The following ROBO1 variants were observed in gnomAD, a reference collection of about 807,000 sequenced individuals.
ROBO1 encodes the protein roundabout homolog 1.
A neutral mutation model predicts 195.9 loss-of-function variants in ROBO1; 149 were observed. That is an observed-to-expected ratio of 0.76 (90% CI 0.67 to 0.87). The LOEUF (loss-of-function observed/expected upper bound fraction) is 0.87, where lower values mean the gene tolerates loss of function less well. Ranked by LOEUF, ROBO1 falls within the 40% of genes least tolerant of loss-of-function variation. The pLI is 0.00. For synonymous variants in ROBO1, 816 were observed against 733.2 expected (o/e 1.11, Z -1.82); for missense variants, 1,933 against 2,068.3 (o/e 0.93, Z 1.27).
intron 2 of ROBO1, among the ~76,000 whole-genome samples, chr3:79,267,657 C>T (rs766551355): frequency 4.0e-5 from 6 of 150,384 alleles, no homozygotes; most frequent in African/African-American, 1.5e-4. Context: ...TTGAAGTTTT[C>T]TTTTTCCACT....
At chr3:79,322,578 T>C (rs1378630953) in intron 2 of ROBO1, among the ~76,000 whole-genome samples, 1 of 152,146 alleles carries the variant, frequency 6.6e-6, no homozygotes, top group African/African-American at 2.4e-5. Context: ...AGAGTGCAAA[T>C]GGGATCCACA....
chr3:79,625,942 T>G (rs1945164703), intron 1 of ROBO1, among the ~76,000 whole-genome samples: 1 of 152,120 alleles, frequency 6.6e-6, no homozygotes. Context: ...GATAAACATC[T>G]ATACAAAGAT....
intron 2 of ROBO1, among the ~76,000 whole-genome samples, chr3:79,542,088 C>G (rs1942091879): frequency 6.6e-6 from 1 of 151,928 alleles, no homozygotes; most frequent in Non-Finnish European, 1.5e-5. Flanking sequence ...TAAATTAGAT[C>G]ATCCACTGGT....
chr3:79,372,331 C>G (rs999445079), intron 2 of ROBO1, among the ~76,000 whole-genome samples: 1 of 151,892 alleles, frequency 6.6e-6, no homozygotes, highest in Admixed American at 6.6e-5. Context: ...CTCAGCCTCC[C>G]GAGTAGCTGG....
chr3:79,269,788 A>G (rs1404765109), intron 2 of ROBO1, among the ~76,000 whole-genome samples: 1 of 151,742 alleles, frequency 6.6e-6, no homozygotes, highest in Non-Finnish European at 1.5e-5. Context: ...CTGGCAAAAG[A>G]TTCAAGATTA....
chr3:79,590,028 A>C (rs1158875687), intron 1 of ROBO1, 67 bp from the exon 2 acceptor site: 3 of 653,942 alleles, frequency 4.6e-6, no homozygotes, highest in Non-Finnish European at 7.9e-6. Context: ...ATTTTGTGAA[A>C]CATTGCAGTT....
intron 8 of ROBO1, chr3:78,693,212 C>T: frequency 8.3e-7 from 1 of 1,202,050 alleles, no homozygotes; most frequent in Non-Finnish European, 1.2e-6. Context: ...TGCAGTCTGT[C>T]TTTGTGGCCA....
chr3:78,757,918 C>T (rs7613536), intron 4 of ROBO1, among the ~76,000 whole-genome samples: 1 of 152,174 alleles, frequency 6.6e-6, no homozygotes, highest in Non-Finnish European at 1.5e-5. Context: ...CCTATCAGAG[C>T]CTGTCTTTGG....
intron 2 of ROBO1, among the ~76,000 whole-genome samples, chr3:79,266,908 A>C (rs1220994586): frequency 6.6e-6 from 1 of 151,596 alleles, no homozygotes; most frequent in Non-Finnish European, 1.5e-5. Flanking sequence ...CTCCCATATA[A>C]TGTAGAATAA....
Position 79,703,262 on chromosome 3 carries a change from A to AT in ROBO1, c.-51+64489dup, listed in dbSNP as rs1208083750. On this transcript the variant is annotated intron_variant, in intron 1 of 30. Transcript: ENST00000464233. ...ATTATTTCTATCATAATTAGTATCC[A>AT]TTTTTTAGAACAGAATACATCCTTC... 8.6e-5 allele frequency among the ~76,000 whole-genome samples: 13 copies of AT among 151,756 alleles called. 1 individual carries two copies. In the Admixed American group the frequency reaches 8.6e-4, roughly 10 times the overall value.
chr3:79,260,932 A>G (rs1266036059), intron 2 of ROBO1, among the ~76,000 whole-genome samples: 1 of 152,120 alleles, frequency 6.6e-6, no homozygotes, highest in African/African-American at 2.4e-5. Context: ...TCTATATTTA[A>G]TTTAGTATGG....
chr3:79,552,001 A>AAC (rs1942535955), intron 2 of ROBO1, among the ~76,000 whole-genome samples: 1 of 143,304 alleles, frequency 7.0e-6, no homozygotes, highest in African/African-American at 2.6e-5. Context: ...AAAAAAAAAA[A>AAC]AAAAAAAAAA....
chr3:78,615,432 G>GT (rs1055284573), intron 27 of ROBO1, among the ~76,000 whole-genome samples: 10 of 151,728 alleles, frequency 6.6e-5, no homozygotes, highest in South Asian at 2.1e-4. Flanking sequence ...CAAGACTTCT[G>GT]TTTTTTTTGG....
At chr3:78,725,396 G>A (rs537262559) in intron 5 of ROBO1, among the ~76,000 whole-genome samples, 1 of 152,150 alleles carries the variant, frequency 6.6e-6, no homozygotes, top group East Asian at 1.9e-4. Context: ...TTTTAGAGAT[G>A]TCAAAATGTA....
At chr3:79,359,060 C>T (rs2035668194) in intron 2 of ROBO1, among the ~76,000 whole-genome samples, 1 of 152,076 alleles carries the variant, frequency 6.6e-6, no homozygotes, top group East Asian at 1.9e-4. Flanking sequence ...GTCCTCTGTG[C>T]TACTATAAGA....
intron 2 of ROBO1, among the ~76,000 whole-genome samples, chr3:79,174,275 C>T (rs79057547): frequency 6.6e-6 from 1 of 151,954 alleles, no homozygotes; most frequent in Non-Finnish European, 1.5e-5. Context: ...AGCGAGCCCA[C>T]GAGCCCACTG....
intron 2 of ROBO1, among the ~76,000 whole-genome samples, chr3:79,419,592 T>C (rs2106924832): frequency 6.6e-6 from 1 of 152,260 alleles, no homozygotes; most frequent in East Asian, 1.9e-4. Context: ...ATTCTAAGTC[T>C]AATTTACTAC....
chr3:78,604,992 C>T (rs1703383197), intron 29 of ROBO1, among the ~76,000 whole-genome samples: 1 of 152,130 alleles, frequency 6.6e-6, no homozygotes, highest in Non-Finnish European at 1.5e-5. Flanking sequence ...AACTCTATCC[C>T]AAGATTTCCT....
chr3:79,291,734 T>C (rs897582372), intron 2 of ROBO1, among the ~76,000 whole-genome samples: 8 of 152,184 alleles, frequency 5.3e-5, no homozygotes, highest in Non-Finnish European at 8.8e-5. Flanking sequence ...TTGGGCACAC[T>C]ACCACATACC....
Sources: allele counts gnomAD v4.1 joint callset (sites outside exome capture counted in the v4.1 genomes callset), GRCh38; gene constraint gnomAD v4.1.1; transcripts MANE v1.5; gene names NCBI Gene and HGNC (gene_info 2026-07-23, HGNC 2026-07-21).